ITGAE: variants seen among roughly 807,000 people sequenced by gnomAD.
ITGAE encodes integrin alpha-E.
ITGAE carries 99 observed loss-of-function variants against 136.5 expected under a neutral mutation model. The ratio of observed to expected loss-of-function variants is 0.73; its 90% CI spans 0.62 to 0.86. The LOEUF is 0.86. Among genes scored for constraint, ITGAE ranks in the 40% least tolerant of loss-of-function variants. ITGAE has a pLI of 0.00. For synonymous variants in ITGAE, 613 were observed against 591.8 expected (o/e 1.04, Z -0.52); for missense variants, 1,447 against 1,515.3 (o/e 0.95, Z 0.75).
chr17:3,730,607 G>A (rs556261669), intron 23 of ITGAE: 2 of 154,468 alleles, frequency 1.3e-5, no homozygotes, highest in Non-Finnish European at 2.9e-5. Context: ...TGGTTGTGGG[G>A]GCTGTCCTGT....
At chr17:3,788,876 A>G (rs894700371) in intron 1 of ITGAE, among the ~76,000 whole-genome samples, 4 of 149,320 alleles carry the variant, frequency 2.7e-5, no homozygotes, top group Non-Finnish European at 5.9e-5. Flanking sequence ...ATTTTTTAGA[A>G]TAAGAATTAC....
intron 15 of ITGAE, 67 bp from the exon 16 acceptor site, chr17:3,750,549 A>G (rs2143019140): frequency 5.7e-6 from 9 of 1,588,008 alleles, no homozygotes; most frequent in Non-Finnish European, 7.7e-6. Flanking sequence ...GAGTCCTTTC[A>G]TGATCTATCC....
intron 26 of ITGAE, chr17:3,724,544 C>A: frequency 6.2e-7 from 1 of 1,614,098 alleles, no homozygotes; most frequent in Non-Finnish European, 8.5e-7. Flanking sequence ...CCGTCCCGAG[C>A]GGCCTCCACC....
chr17:3,783,003 G>A lies in ITGAE; in HGVS notation c.35-5343C>T, dbSNP rs560170323. On this transcript the variant is annotated intron_variant, in intron 1 of 30. Coordinates refer to ENST00000263087, the MANE Select transcript of ITGAE (RefSeq NM_002208.5). The stretch of plus-strand genomic sequence containing the variant: ...ATGCCTGCTTTTGCTGATGTATGTC[G>A]ATTGAGATGGCTGAAGATTCTATGA... Among the ~76,000 whole-genome samples, 5 of 152,288 alleles carry A rather than the reference G, an allele frequency of 3.3e-5. No homozygotes were observed. In the East Asian group the frequency reaches 5.8e-4, roughly 18 times the overall value.
At chr17:3,772,617 C>G (rs2143251889) in intron 2 of ITGAE, among the ~76,000 whole-genome samples, 1 of 152,224 alleles carries the variant, frequency 6.6e-6, no homozygotes, top group South Asian at 2.1e-4. Context: ...GTGCGCGCCA[C>G]CACGCCCAGA....
intron 1 of ITGAE, among the ~76,000 whole-genome samples, chr17:3,782,625 C>T (rs2052693134): frequency 6.6e-6 from 1 of 152,076 alleles, no homozygotes; most frequent in African/African-American, 2.4e-5. Context: ...GTTCAACGTG[C>T]TGGGATTACA....
At position 3,745,952 on chromosome 17, in the gene ITGAE, C is replaced by T. The variant is rs368230724; in HGVS notation, c.2156-25G>A. On this transcript the variant is annotated intron_variant, in intron 17 of 30. Transcript: ENST00000263087. ...CCTGGGAATGAAGACCAGACCTTCCCGATGAGGTGGGGATGAGCCAGCCGC... is the reference window on the plus strand; with the variant it reads ...CCTGGGAATGAAGACCAGACCTTCCTGATGAGGTGGGGATGAGCCAGCCGC... The T allele has an allele frequency of 1.6e-5, 25 of 1,605,206 alleles. No individual in the cohort carries two copies. The Middle Eastern group carries it at 5.1e-4, about 33-fold the overall frequency.
chr17:3,730,454 A>AAAAAAAAAATAAAAAAAT (rs147927266), intron 23 of ITGAE: 1 of 147,498 alleles, frequency 6.8e-6, no homozygotes, highest in Non-Finnish European at 1.5e-5. Flanking sequence ...TCTGTCTCAA[A>AAAAAAAAAATAAAAAAAT]AAATAAATAA....
At chr17:3,744,921 G>T (rs2051676371) in intron 18 of ITGAE, among the ~76,000 whole-genome samples, 1 of 152,202 alleles carries the variant, frequency 6.6e-6, no homozygotes, top group Non-Finnish European at 1.5e-5. Context: ...GGTAGAGAAT[G>T]TGATTAAGCC....
intron 1 of ITGAE, among the ~76,000 whole-genome samples, chr17:3,786,084 G>A (rs896447890): frequency 3.4e-4 from 51 of 150,072 alleles, no homozygotes; most frequent in African/African-American, 1.1e-3. Context: ...GGAGAATGGC[G>A]TGAACCCGGG....
In ITGAE at chr17:3,731,335, CTTTTTTTTTT is replaced by C. The variant is rs78134599; in HGVS notation, c.2755-162_2755-153del. On this transcript the variant is annotated intron_variant, in intron 22 of 30. Transcript: ENST00000263087. ...AACACAGCATGTTTCCTTTCCCTTCCTTTTTTTTTTTTTTTTTTTTTTTTGAGAGGGAGTC... is the reference window on the plus strand; with the variant it reads ...AACACAGCATGTTTCCTTTCCCTTCCTTTTTTTTTTTTTTGAGAGGGAGTC... 2,383 of 397,314 alleles carry C rather than the reference CTTTTTTTTTT, an allele frequency of 6.0e-3. 2 individuals are homozygous for C. The highest frequency in any genetic ancestry group is 0.019 in the East Asian group (374 of 19,206). The allele number at this position is 397,314 out of a possible 1,614,324, so 24.6% of individuals were successfully genotyped here.
At chr17:3,797,980 C>A (rs182519272) in intron 1 of ITGAE, among the ~76,000 whole-genome samples, 3 of 152,174 alleles carry the variant, frequency 2.0e-5, no homozygotes, top group Non-Finnish European at 4.4e-5. Context: ...TCCCCCAGGC[C>A]GGCACTCAGG....
chr17:3,787,345 CAG>C (rs1213155003), intron 1 of ITGAE, among the ~76,000 whole-genome samples: 1 of 152,110 alleles, frequency 6.6e-6, no homozygotes, highest in Non-Finnish European at 1.5e-5. Context: ...CTCCTGACCT[CAG>C]GTGATCCGCC....
At position 3,723,475 on chromosome 17, in the gene ITGAE, C is replaced by A. The variant is rs2051103658; in HGVS notation, c.3142-92G>T. On this transcript the variant is annotated intron_variant, in intron 27 of 30. Coordinates refer to ENST00000263087, the MANE Select transcript of ITGAE (RefSeq NM_002208.5). The stretch of plus-strand genomic sequence containing the variant: ...TTCGGACACAGAGCATCGTAAGGTC[C>A]CAGAATAGAGGGTGTGAGCAATTTC... 2.8e-6 allele frequency: 3 copies of A among 1,074,348 alleles called. No homozygotes were observed. The African/African-American group carries it at 4.7e-5, about 17-fold the overall frequency. 66.6% of individuals were successfully genotyped at this position (1,074,348 alleles called of 1,614,324 possible). A position where few individuals can be genotyped will look rare whatever the true frequency, so the allele number is the denominator to read the frequency against.
intron 26 of ITGAE, chr17:3,725,259 T>TA: frequency 6.2e-7 from 1 of 1,614,204 alleles, no homozygotes; most frequent in Non-Finnish European, 8.5e-7. Context: ...CTCCTCTATG[T>TA]ATTTGCTAAG....
intron 1 of ITGAE, among the ~76,000 whole-genome samples, chr17:3,787,239 G>A (rs1001413202): frequency 1.3e-4 from 19 of 151,688 alleles, no homozygotes; most frequent in African/African-American, 4.4e-4. Flanking sequence ...AGCCTCCCAA[G>A]TAGCTGGGAT....
In ITGAE at chr17:3,743,510, A is replaced by G; in HGVS notation, c.2427T>C (p.Thr809=). 6.2e-7 allele frequency: 1 copy of G among 1,602,124 alleles called. No homozygotes were observed. The highest frequency in any genetic ancestry group is 8.5e-7 in the Non-Finnish European group (1 of 1,176,116). Residue 809 remains threonine, a synonymous_variant, in exon 19 of 31, where the codon ACT becomes ACC. Transcript: ENST00000263087. ...DHPQPILDRY[T]EPFAIFQLPY... ...TCACCTGGAAGATGGCAAAGGGCTC[A>G]GTGTAGCGGTCCAGGATGGGCTGGG...
chr17:3,747,869 C>T (rs1331003269), intron 17 of ITGAE, 53 bp downstream of exon 17: 1 of 1,237,444 alleles, frequency 8.1e-7, no homozygotes, highest in Non-Finnish European at 1.1e-6. Context: ...TTACAGAAGC[C>T]AAAAAGGAAA....
At chr17:3,724,944 A>G in intron 26 of ITGAE, 3 of 1,613,844 alleles carry the variant, frequency 1.9e-6, no homozygotes, top group Non-Finnish European at 2.5e-6. Flanking sequence ...AACTAGATCA[A>G]GCCGGAAGAG....
Sources: allele counts gnomAD v4.1 joint callset (sites outside exome capture counted in the v4.1 genomes callset), GRCh38; gene constraint gnomAD v4.1.1; transcripts MANE v1.5; gene names NCBI Gene and HGNC (gene_info 2026-07-23, HGNC 2026-07-21).